CLCA4: variants seen among roughly 807,000 people sequenced by gnomAD.
CLCA4 encodes the protein calcium-activated chloride channel regulator 4.
CLCA4 carries 69 observed loss-of-function variants against 78.9 expected under a neutral mutation model. That is an observed-to-expected ratio of 0.87 (90% confidence interval 0.72 to 1.07). The LOEUF is 1.07. CLCA4 is among the 50% of genes least tolerant of loss of function. The pLI, the probability that CLCA4 is intolerant of heterozygous loss-of-function variation, is 0.00. For synonymous variants in CLCA4, 362 were observed against 375.8 expected (o/e 0.96, Z 0.42); for missense variants, 1,133 against 1,095.8 (o/e 1.03, Z -0.48).
intron 4 of CLCA4, among the ~76,000 whole-genome samples, chr1:86,565,057 C>T (rs1650136129): frequency 6.6e-6 from 1 of 152,024 alleles, no homozygotes; most frequent in Non-Finnish European, 1.5e-5. Context: ...TTGTGTTTAT[C>T]TGGAGGCCCC....
intron 10 of CLCA4, 121 bp downstream of exon 10, chr1:86,574,876 T>A (rs1650462470): frequency 4.2e-6 from 3 of 721,966 alleles, no homozygotes; most frequent in African/African-American, 1.8e-5. Context: ...TAAAATAGTA[T>A]GTACTTTCCA....
At chr1:86,560,702 T>C (rs1338186038) in intron 3 of CLCA4, among the ~76,000 whole-genome samples, 1 of 152,198 alleles carries the variant, frequency 6.6e-6, no homozygotes, top group Admixed American at 6.5e-5. Flanking sequence ...TTTCCACTTC[T>C]CCATAGCTGG....
chr1:86,573,778 G>A (rs1353083698), intron 9 of CLCA4, among the ~76,000 whole-genome samples: 3 of 152,006 alleles, frequency 2.0e-5, no homozygotes, highest in African/African-American at 7.2e-5. Flanking sequence ...ATAGTGAGAA[G>A]TAAGGAGAGA....
chr1:86,574,690 A>G lies in CLCA4; in HGVS notation c.1618A>G (p.Met540Val), dbSNP rs1650456275. Reference sequence around the variant, plus strand: ...TCTCTGGGATCCCAGTGGAACAATAATGGAAAATTTCACAGTGGATGCAAC... The same window carrying G: ...TCTCTGGGATCCCAGTGGAACAATAGTGGAAAATTTCACAGTGGATGCAAC... ...ISLWDPSGTI[M>V]ENFTVDATSK... is the part of the protein sequence containing the mutation. Residue 540 changes from methionine to valine, a missense_variant, in exon 10 of 14, where the codon ATG becomes GTG. Met to Val is a conservative substitution (Grantham distance 21). Transcript: ENST00000370563. 6.2e-7 allele frequency: 1 copy of G among 1,613,224 alleles called. No homozygotes were observed. Among genetic ancestry groups the G allele is most frequent in the South Asian group, 1.1e-5 (1 of 91,064 alleles).
chr1:86,580,508 T>A lies in CLCA4; in HGVS notation c.*163T>A, dbSNP rs1650687710. 2 of 474,420 alleles carry A rather than the reference T, an allele frequency of 4.2e-6. No homozygotes were observed. The highest frequency in any genetic ancestry group is 1.5e-4 in the South Asian group (2 of 13,514). The allele number at this position is 474,420 out of a possible 1,614,324, so 29.4% of individuals were successfully genotyped here. ...GTCGGAAAAGGATACTTTGATTAAATAAAAACACTCATGGATATGTAAAAA... is the reference window on the plus strand; with the variant it reads ...GTCGGAAAAGGATACTTTGATTAAAAAAAAACACTCATGGATATGTAAAAA... On this transcript the variant is annotated 3_prime_UTR_variant, in exon 14 of 14. Coordinates refer to ENST00000370563, the MANE Select transcript of CLCA4 (RefSeq NM_012128.4).
chr1:86,571,452 T>C (rs1379205049), intron 8 of CLCA4, 198 bp downstream of exon 8: 2 of 492,490 alleles, frequency 4.1e-6, no homozygotes, highest in South Asian at 3.8e-5. Context: ...CATAATCAGA[T>C]AGCATTCCTA....
intron 6 of CLCA4, 50 bp from the exon 7 acceptor site, chr1:86,567,374 T>G: frequency 7.0e-7 from 1 of 1,437,364 alleles, no homozygotes. Context: ...GATCTTCTAT[T>G]ATTTTCCAGT....
chr1:86,575,205 T>G (rs1277124007), intron 10 of CLCA4, 127 bp from the exon 11 acceptor site: 1 of 817,264 alleles, frequency 1.2e-6, no homozygotes, highest in Non-Finnish European at 1.9e-6. Context: ...CTTACCCATT[T>G]ATCCTCAACA....
chr1:86,555,709 A>G (rs1224044598), intron 1 of CLCA4, among the ~76,000 whole-genome samples: 6 of 152,190 alleles, frequency 3.9e-5, no homozygotes, highest in Admixed American at 1.3e-4. Flanking sequence ...TGAATTTTAA[A>G]ATAGTTTTTT....
chr1:86,577,975 C>T lies in CLCA4; in HGVS notation c.2025C>T (p.Ser675=). The change falls in exon 12 of 14, where the codon AGC becomes AGT. Residue 675 remains serine (S), a synonymous_variant. Coordinates refer to ENST00000370563, the MANE Select transcript of CLCA4 (RefSeq NM_012128.4). The part of the protein sequence containing the change: ...FTAYTENGRY[S]LKVRAHGGAN... ...CATATACAGAAAATGGCAGATATAG[C>T]TTAAAAGTTCGGGCTCATGGAGGAG... The T allele has an allele frequency of 6.2e-7, 1 of 1,612,842 alleles. No individual in the cohort carries two copies. The highest frequency in any genetic ancestry group is 8.5e-7 in the Non-Finnish European group (1 of 1,179,320).
chr1:86,563,840 T>C (rs1650096478), intron 4 of CLCA4, 71 bp downstream of exon 4: 1 of 817,262 alleles, frequency 1.2e-6, no homozygotes, highest in Non-Finnish European at 2.0e-6. Context: ...TTTGATTTCT[T>C]CCAAAATCAT....
intron 11 of CLCA4, among the ~76,000 whole-genome samples, chr1:86,577,102 T>C (rs1288487338): frequency 6.6e-6 from 1 of 152,108 alleles, no homozygotes; most frequent in Non-Finnish European, 1.5e-5. Context: ...TTCAGATATA[T>C]CAATATTTCC....
intron 1 of CLCA4, among the ~76,000 whole-genome samples, chr1:86,555,983 A>G (rs939000854): frequency 2.6e-5 from 4 of 152,046 alleles, no homozygotes; most frequent in African/African-American, 7.2e-5. Context: ...GGTATTGCCT[A>G]TTCGATTCAG....
Position 86,547,089 on chromosome 1 carries a change from C to A in CLCA4, c.-31C>A, listed in dbSNP as rs746476631. 1.9e-6 allele frequency: 3 copies of A among 1,582,104 alleles called. No homozygotes were observed. The highest frequency in any genetic ancestry group is 2.4e-5 in the South Asian group (2 of 83,638). On this transcript the variant is annotated 5_prime_UTR_variant, in exon 1 of 14. Coordinates refer to ENST00000370563, the MANE Select transcript of CLCA4 (RefSeq NM_012128.4). ...AAGAAAAGCCTCTTGAACAAACCAA[C>A]ATTTGAGCCAGGAATAACTAGAGAG...
chr1:86,565,499 T>TA, intron 5 of CLCA4, 48 bp downstream of exon 5: 1 of 1,386,436 alleles, frequency 7.2e-7, no homozygotes, highest in Non-Finnish European at 9.9e-7. Flanking sequence ...AAATGACATA[T>TA]TGTCATGTTT....
intron 1 of CLCA4, among the ~76,000 whole-genome samples, chr1:86,555,260 T>C (rs1322727099): frequency 1.3e-5 from 2 of 152,218 alleles, no homozygotes; most frequent in African/African-American, 4.8e-5. Flanking sequence ...GTTTTAGGCA[T>C]CTTTGTTATA....
intron 11 of CLCA4, among the ~76,000 whole-genome samples, chr1:86,576,472 C>T (rs1276733089): frequency 2.0e-5 from 3 of 152,058 alleles, no homozygotes; most frequent in African/African-American, 7.2e-5. Context: ...AGTGAGCCAC[C>T]ATGCCTGGCC....
At position 86,574,622 on chromosome 1, in the gene CLCA4, C is replaced by G; in HGVS notation, c.1550C>G (p.Thr517Arg). ...ATTGATAGTACAGTGGGAAAGGACA[C>G]GTTCTTTCTCATCACATGGAACAGT... ...VIIDSTVGKD[T>R]FFLITWNSLP... Residue 517 changes from threonine (T) to arginine (R), a missense_variant, in exon 10 of 14, where the codon ACG becomes AGG. Transcript: ENST00000370563. 6.2e-7 allele frequency: 1 copy of G among 1,612,350 alleles called. No homozygotes were observed. Among genetic ancestry groups the G allele is most frequent in the Non-Finnish European group, 8.5e-7 (1 of 1,178,678 alleles).
At position 86,565,715 on chromosome 1, in the gene CLCA4, A is replaced by G. The variant is rs921892624; in HGVS notation, c.736-87A>G. On this transcript the variant is annotated intron_variant, in intron 5 of 13. Transcript: ENST00000370563. ...TTCATTCAACAAACAACATATCTGC[A>G]GAAGACTTTTAAATTTTTCAGGTTT... 6.5e-6 allele frequency: 5 copies of G among 769,022 alleles called. No homozygotes were observed. In the African/African-American group the frequency reaches 8.9e-5, roughly 14 times the overall value. The allele number at this position is 769,022 out of a possible 1,614,324, so 47.6% of individuals were successfully genotyped here.
Sources: gnomAD v4.1 joint callset for allele counts (sites outside exome capture counted in the v4.1 genomes callset) on GRCh38, gnomAD v4.1.1 for gene constraint, MANE v1.5 for transcripts, NCBI Gene and HGNC (gene_info 2026-07-23, HGNC 2026-07-21) for gene names.